The following WDR3 variants were observed in gnomAD, a reference collection of about 807,000 sequenced individuals.
WDR3 encodes WD repeat-containing protein 3.
A neutral mutation model predicts 123.7 loss-of-function variants in WDR3; 81 were observed. That is an observed-to-expected ratio of 0.65 (90% CI 0.55 to 0.79). The LOEUF (loss-of-function observed/expected upper bound fraction) is 0.79. Ranked by LOEUF, WDR3 falls within the 30% of genes least tolerant of loss-of-function variation. The probability of loss-of-function intolerance (pLI) is 0.00; values close to 1 mark genes in which losing one functional copy is unlikely to be tolerated. For synonymous variants in WDR3, 390 were observed against 388.8 expected, an observed-to-expected ratio of 1.00 and a Z score of -0.04; for missense variants, 1,027 against 1,123.2, an observed-to-expected ratio of 0.91 and a Z score of 1.22.
In WDR3 at chr1:117,965,330, G is replaced by C. The variant is rs1395263657; in HGVS notation, c.*5883G>C. ...GTCTCCACTGGCTCTTCTTCCTCCTGCTCCCTAAACCGACTCCAGATTTCT... is the reference window on the plus strand; with the variant it reads ...GTCTCCACTGGCTCTTCTTCCTCCTCCTCCCTAAACCGACTCCAGATTTCT... On this transcript the variant is annotated 3_prime_UTR_variant, in exon 27 of 27. Coordinates refer to ENST00000349139, the MANE Select transcript of WDR3 (RefSeq NM_006784.3). 6.6e-6 allele frequency: 1 copy of C among 152,064 alleles called. No homozygotes were observed. The highest frequency in any genetic ancestry group is 2.4e-5 in the African/African-American group (1 of 41,368). 9.4% of individuals were successfully genotyped at this position (152,064 alleles called of 1,614,324 possible). A position where few individuals can be genotyped will look rare whatever the true frequency, so the allele number is the denominator to read the frequency against.
At chr1:117,959,154 A>G (rs1652660030) in intron 26 of WDR3, 138 bp from the exon 27 acceptor site, 4 of 1,355,722 alleles carry the variant, frequency 3.0e-6, no homozygotes, top group Non-Finnish European at 3.0e-6. Flanking sequence ...AGGAATAGAA[A>G]AAACAAACAA....
In WDR3 at chr1:117,963,924, T is replaced by C. The variant is rs1280901986; in HGVS notation, c.*4477T>C. 1 of 1,614,008 alleles carries C rather than the reference T, an allele frequency of 6.2e-7. No homozygotes were observed. On this transcript the variant is annotated 3_prime_UTR_variant, in exon 27 of 27. Transcript: ENST00000349139. ...TCTTTTGGTCGTTTATCATAATTGC[T>C]GCTTGTTAAAACAGGTAAAATACTT...
At chr1:117,954,131 A>G (rs1651812802) in intron 22 of WDR3, 32 bp downstream of exon 22, 2 of 1,555,320 alleles carry the variant, frequency 1.3e-6, no homozygotes, top group African/African-American at 2.8e-5. Flanking sequence ...TTACAGTATC[A>G]ATAAAGGGAA....
chr1:117,937,411 CCT>C (rs1479635879), intron 4 of WDR3, among the ~76,000 whole-genome samples: 1 of 152,056 alleles, frequency 6.6e-6, no homozygotes, highest in Non-Finnish European at 1.5e-5. Context: ...AGAATGGCCA[CCT>C]AGGAAAAGCT....
intron 3 of WDR3, among the ~76,000 whole-genome samples, chr1:117,935,835 C>G (rs1166490930): frequency 6.6e-6 from 1 of 151,762 alleles, no homozygotes; most frequent in Non-Finnish European, 1.5e-5. Flanking sequence ...AAAAACAAGT[C>G]AGAGGACACT....
chr1:117,951,988 A>G lies in WDR3; in HGVS notation c.1816A>G (p.Ile606Val), dbSNP rs1013569710. Residue 606 changes from isoleucine (I) to valine (V), a missense_variant, in exon 17 of 27, where the codon ATA becomes GTA. Transcript: ENST00000349139. ...CMDISHDGAL[I>V]ATGSADRNVK... The stretch of plus-strand genomic sequence containing the variant: ...TTATTTCTCATAGGATGGAGCACTC[A>G]TAGCAACTGGCTCCGCTGATAGGAA... 1 of 1,613,178 alleles carries G rather than the reference A, an allele frequency of 6.2e-7. No homozygotes were observed. The highest frequency in any genetic ancestry group is 1.3e-5 in the African/African-American group (1 of 75,002).
Position 117,933,492 on chromosome 1 carries a change from T to G in WDR3, c.171+2T>G. ...TGGGACTTAAGGAAAGGAGAGAAGG[T>G]GAGCCTAAAATGACCAGTTTGATAC... On this transcript the variant is annotated splice_donor_variant, in intron 2 of 26. Coordinates refer to ENST00000349139, the MANE Select transcript of WDR3 (RefSeq NM_006784.3). LOFTEE classifies it high-confidence loss of function. 1 of 1,614,056 alleles carries G rather than the reference T, an allele frequency of 6.2e-7. No homozygotes were observed. The highest frequency in any genetic ancestry group is 8.5e-7 in the Non-Finnish European group (1 of 1,179,974).
At chr1:117,946,019 A>C in intron 11 of WDR3, 67 bp from the exon 12 acceptor site, 3 of 1,267,076 alleles carry the variant, frequency 2.4e-6, no homozygotes, top group Non-Finnish European at 3.3e-6. Flanking sequence ...TGAAACCTAC[A>C]CACTGACCTC....
chr1:117,939,368 T>G, intron 5 of WDR3, 109 bp from the exon 6 acceptor site: 2 of 1,169,012 alleles, frequency 1.7e-6, no homozygotes, highest in African/African-American at 3.1e-5. Flanking sequence ...TTCTTTGCCT[T>G]TAAATTGCTA....
intron 13 of WDR3, 137 bp downstream of exon 13, chr1:117,948,643 T>C: frequency 2.0e-6 from 1 of 501,048 alleles, no homozygotes; most frequent in Non-Finnish European, 3.4e-6. Flanking sequence ...GATGCCTTCT[T>C]ATAAATGACC....
intron 6 of WDR3, among the ~76,000 whole-genome samples, chr1:117,940,163 G>A (rs569883811): frequency 6.6e-6 from 1 of 152,240 alleles, no homozygotes; most frequent in African/African-American, 2.4e-5. Context: ...CTATAATATG[G>A]TCAACCTTTC....
intron 19 of WDR3, 77 bp downstream of exon 19, chr1:117,952,739 T>C (rs1045173049): frequency 6.4e-7 from 1 of 1,559,142 alleles, no homozygotes; most frequent in Non-Finnish European, 8.7e-7. Flanking sequence ...TTCTGTCTAG[T>C]GCAGTTACAC....
At chr1:117,942,918 A>G (rs1409474486) in intron 10 of WDR3, among the ~76,000 whole-genome samples, 1 of 138,858 alleles carries the variant, frequency 7.2e-6, no homozygotes, top group Non-Finnish European at 1.5e-5. Context: ...TTTTTTACTT[A>G]AAAGCCTACT....
At position 117,936,800 on chromosome 1, in the gene WDR3, A is replaced by G. The variant is rs780952651; in HGVS notation, c.413A>G (p.Asn138Ser). ...GATATTATTGTATGGGATGTGATCA[A>G]TGAAAGTGGTCTGTACCGTCTAAAG... is the stretch of plus-strand genomic sequence containing the variant. ...DTDIIVWDVI[N>S]ESGLYRLKGH... Residue 138 changes from asparagine (N) to serine (S), a missense_variant, in exon 4 of 27, where the codon AAT becomes AGT. Transcript: ENST00000349139. 1.2e-6 allele frequency: 2 copies of G among 1,612,746 alleles called. No homozygotes were observed. The highest frequency in any genetic ancestry group is 1.3e-5 in the African/African-American group (1 of 74,896).
intron 8 of WDR3, 60 bp downstream of exon 8, chr1:117,941,285 T>G (rs1651162969): frequency 6.6e-7 from 1 of 1,507,622 alleles, no homozygotes; most frequent in Non-Finnish European, 9.2e-7. Context: ...AAACACTCAT[T>G]CTTTCATATT....
rs535719322 is a variant in WDR3 at position 117,964,836 on chromosome 1, A to T, written c.*5389A>T. 6.6e-6 allele frequency: 1 copy of T among 152,338 alleles called. No individual in the cohort carries two copies. Among genetic ancestry groups the T allele is most frequent in the African/African-American group, 2.4e-5 (1 of 41,574 alleles). The allele number at this position is 152,338 out of a possible 1,614,324, so 9.4% of individuals were successfully genotyped here. On this transcript the variant is annotated 3_prime_UTR_variant, in exon 27 of 27. Coordinates refer to ENST00000349139, the MANE Select transcript of WDR3 (RefSeq NM_006784.3). ...CCTTTAACTTTCTCCTTCACCTCGG[A>T]ATATCTGAATCATCAGCTATCTTCA...
chr1:117,954,469 G>A, intron 22 of WDR3, 111 bp from the exon 23 acceptor site: 2 of 1,040,764 alleles, frequency 1.9e-6, no homozygotes. Flanking sequence ...GTTTTTTAGG[G>A]TCTCTTTTTT....
Position 117,942,519 on chromosome 1 carries a change from A to G in WDR3, c.1072A>G (p.Asn358Asp), listed in dbSNP as rs752604999. ...GCAAGATGAAATCCAGCGGGTGACT[A>G]ATATAAAAACTTCTGCCAAAATCAA... ...SLQDEIQRVTNIKTSAKIKSF... is the reference protein window; with the variant it reads ...SLQDEIQRVTDIKTSAKIKSF... Residue 358 changes from asparagine (N) to aspartate (D), a missense_variant, in exon 10 of 27, where the codon AAT becomes GAT. Asn to Asp is a conservative substitution (Grantham distance 23). Transcript: ENST00000349139. 4.3e-6 allele frequency: 7 copies of G among 1,613,938 alleles called. No individual in the cohort carries two copies. In the South Asian group the frequency reaches 6.6e-5, roughly 15 times the overall value.
At chr1:117,950,959 C>T in intron 16 of WDR3, 69 bp downstream of exon 16, 1 of 1,257,668 alleles carries the variant, frequency 8.0e-7, no homozygotes, top group East Asian at 2.4e-5. Context: ...TTAATTCTGG[C>T]TTGATGTCTT....
Sources: gnomAD v4.1 joint callset for allele counts (sites outside exome capture counted in the v4.1 genomes callset) on GRCh38, gnomAD v4.1.1 for gene constraint, MANE v1.5 for transcripts, NCBI Gene and HGNC (gene_info 2026-07-23, HGNC 2026-07-21) for gene names.